Variants in CCNY observed in about 807,000 individuals in gnomAD.
CCNY encodes cyclin-Y.
In CCNY, 19 loss-of-function variants were observed where a neutral mutation model predicts 42.8. The observed-to-expected ratio is 0.44, with a 90% CI of 0.31 to 0.65. The LOEUF is 0.65. Among genes scored for constraint, CCNY ranks in the 30% least tolerant of loss-of-function variants. The pLI, the probability that CCNY is intolerant of heterozygous loss-of-function variation, is 0.07. For missense variants in CCNY, 370 were observed against 437.3 expected (o/e 0.85, Z 1.37); for synonymous variants, 165 against 162.7 (o/e 1.01, Z -0.11).
intron 1 of CCNY, among the ~76,000 whole-genome samples, chr10:35,388,810 G>C (rs1050551948): frequency 6.6e-6 from 1 of 152,154 alleles, no homozygotes; most frequent in Admixed American, 6.5e-5. Context: ...GAGGTCCTCT[G>C]GAGGCTCTCA....
chr10:35,271,509 C>G (rs888972162), intron 3 of CCNY, among the ~76,000 whole-genome samples: 7 of 152,184 alleles, frequency 4.6e-5, no homozygotes, highest in Non-Finnish European at 1.0e-4. Context: ...CCCGAGCATT[C>G]TGTTCTCAAC....
intron 2 of CCNY, among the ~76,000 whole-genome samples, chr10:35,500,958 AG>A (rs1416612868): frequency 6.6e-6 from 1 of 152,204 alleles, no homozygotes; most frequent in Non-Finnish European, 1.5e-5. Flanking sequence ...AAGGAGCTCC[AG>A]GGGCTCCCAG....
At chr10:35,276,719 C>T (rs1835242615) in intron 3 of CCNY, among the ~76,000 whole-genome samples, 1 of 152,222 alleles carries the variant, frequency 6.6e-6, no homozygotes, top group African/African-American at 2.4e-5. Context: ...CCCCTTTCAT[C>T]AGCCCTGGCC....
At position 35,569,259 on chromosome 10, in the gene CCNY, T is replaced by C. The variant is rs1589216148; in HGVS notation, c.*89T>C. 1.2e-6 allele frequency: 1 copy of C among 806,748 alleles called. No homozygotes were observed. The highest frequency in any genetic ancestry group is 2.5e-5 in the East Asian group (1 of 39,764). The allele number at this position is 806,748 out of a possible 1,614,324, so 50.0% of individuals were successfully genotyped here. On this transcript the variant is annotated 3_prime_UTR_variant, in exon 10 of 10. Transcript: ENST00000374704. ...ACTTGGGGTGGGTTTGTTTTTGTTT[T>C]TTCTTTCCTTTTCTTTTTTTACGCA... is the stretch of plus-strand genomic sequence containing the variant.
At chr10:35,423,887 G>A (rs917769738) in intron 1 of CCNY, among the ~76,000 whole-genome samples, 1 of 152,316 alleles carries the variant, frequency 6.6e-6, no homozygotes, top group South Asian at 2.1e-4. Flanking sequence ...TAAGAAGATA[G>A]GGGTTAGAGA....
At chr10:35,275,361 C>T (rs1256499233) in intron 3 of CCNY, among the ~76,000 whole-genome samples, 1 of 151,952 alleles carries the variant, frequency 6.6e-6, no homozygotes, top group Non-Finnish European at 1.5e-5. Flanking sequence ...CCACTGCGCC[C>T]AGTCGATTCA....
chr10:35,349,532 G>C (rs1836383369), intron 1 of CCNY, among the ~76,000 whole-genome samples: 1 of 152,176 alleles, frequency 6.6e-6, no homozygotes, highest in Admixed American at 6.5e-5. Flanking sequence ...TGTTCCCTAA[G>C]CTCATTTTCA....
chr10:35,506,786 G>A (rs1407348333), intron 3 of CCNY, among the ~76,000 whole-genome samples: 2 of 152,210 alleles, frequency 1.3e-5, no homozygotes, highest in Non-Finnish European at 2.9e-5. Flanking sequence ...CTCATGGTGT[G>A]TTCTCCATGG....
At chr10:35,401,300 A>G (rs1442354765) in intron 1 of CCNY, among the ~76,000 whole-genome samples, 1 of 152,244 alleles carries the variant, frequency 6.6e-6, no homozygotes. Flanking sequence ...AGGAAGCTGC[A>G]GGTGTGCTCT....
intron 2 of CCNY, among the ~76,000 whole-genome samples, chr10:35,501,227 G>C (rs1840104180): frequency 6.6e-6 from 1 of 152,132 alleles, no homozygotes; most frequent in South Asian, 2.1e-4. Context: ...TTTTTATTCA[G>C]TTAATGGAAA....
At chr10:35,545,028 C>T (rs1415497924) in intron 7 of CCNY, among the ~76,000 whole-genome samples, 3 of 152,180 alleles carry the variant, frequency 2.0e-5, no homozygotes, top group Admixed American at 1.3e-4. Flanking sequence ...TGTGTGCACG[C>T]ATGTACACTC....
chr10:35,348,610 G>A (rs1213607171), intron 1 of CCNY, among the ~76,000 whole-genome samples: 4 of 152,238 alleles, frequency 2.6e-5, no homozygotes, highest in African/African-American at 4.8e-5. Context: ...CCCCGTCCAG[G>A]GTGGGATGAG....
At chr10:35,429,629 G>C (rs1019413061) in intron 1 of CCNY, among the ~76,000 whole-genome samples, 1 of 152,220 alleles carries the variant, frequency 6.6e-6, no homozygotes, top group African/African-American at 2.4e-5. Flanking sequence ...AATGGAGTAT[G>C]CAGGTAATGT....
At chr10:35,268,186 T>C (rs2095727572) in intron 3 of CCNY, among the ~76,000 whole-genome samples, 1 of 152,116 alleles carries the variant, frequency 6.6e-6, no homozygotes, top group Non-Finnish European at 1.5e-5. Flanking sequence ...TGAGCCACTG[T>C]GCAGGGCCCC....
chr10:35,264,967 T>C (rs1401939849), intron 3 of CCNY, among the ~76,000 whole-genome samples: 1 of 152,186 alleles, frequency 6.6e-6, no homozygotes, highest in Non-Finnish European at 1.5e-5. Context: ...TTGTTTTTGT[T>C]TTTTCTTGTA....
chr10:35,367,215 A>T (rs2135166861), intron 1 of CCNY, among the ~76,000 whole-genome samples: 1 of 152,244 alleles, frequency 6.6e-6, no homozygotes, highest in Non-Finnish European at 1.5e-5. Flanking sequence ...ATGACTGTAG[A>T]GTGTTCTATT....
intron 1 of CCNY, among the ~76,000 whole-genome samples, chr10:35,340,949 T>C (rs1836166437): frequency 6.6e-6 from 1 of 152,208 alleles, no homozygotes; most frequent in Non-Finnish European, 1.5e-5. Flanking sequence ...GCTGCTGCTC[T>C]TCTGGAGATT....
At chr10:35,315,034 T>C (rs1233881616) in intron 3 of CCNY, 1 of 152,100 alleles carries the variant, frequency 6.6e-6, no homozygotes, top group Non-Finnish European at 1.5e-5. Flanking sequence ...TGAGCCGAAA[T>C]TGCGCCACCG....
chr10:35,430,530 A>ACCATTTGAATTTCACAGGCATCTT (rs1463362177), intron 1 of CCNY, among the ~76,000 whole-genome samples: 2 of 152,108 alleles, frequency 1.3e-5, no homozygotes, highest in Non-Finnish European at 2.9e-5. Context: ...ATTAGGAGGT[A>ACCATTTGAATTTCACAGGCATCTT]CCATTTGAAT....
Sources: gnomAD v4.1 joint callset for allele counts (sites outside exome capture counted in the v4.1 genomes callset) on GRCh38, gnomAD v4.1.1 for gene constraint, MANE v1.5 for transcripts, NCBI Gene and HGNC (gene_info 2026-07-23, HGNC 2026-07-21) for gene names.